Variants in LYRM4 observed in about 807,000 individuals in gnomAD.
LYRM4 encodes the protein LYR motif containing 4, also known as LYR motif-containing protein 4.
Under a neutral mutation model 11.7 loss-of-function variants are expected in LYRM4, and 9 were observed. That is an observed-to-expected ratio of 0.77 (90% CI 0.46 to 1.34). LYRM4 has a LOEUF of 1.34. LYRM4 is among the 40% of genes most tolerant of loss of function. LYRM4 has a pLI of 0.00. For synonymous variants in LYRM4, 42 were observed against 40.4 expected, an observed-to-expected ratio of 1.04 and a Z score of -0.15; for missense variants, 133 against 112.5, an observed-to-expected ratio of 1.18 and a Z score of -0.82.
At chr6:5,111,652 T>C (rs1400331118) in intron 2 of LYRM4, among the ~76,000 whole-genome samples, 4 of 152,202 alleles carry the variant, frequency 2.6e-5, no homozygotes, top group Non-Finnish European at 5.9e-5. Context: ...ACGCCTCTAA[T>C]GACAGCCGCG....
At chr6:5,249,242 C>A (rs1764326990) in intron 1 of LYRM4, among the ~76,000 whole-genome samples, 1 of 152,132 alleles carries the variant, frequency 6.6e-6, no homozygotes. Context: ...ATGATTTATA[C>A]CAAGGTCACA....
chr6:5,260,668 A>T lies in LYRM4; in HGVS notation c.66T>A (p.Arg22=). 4 of 1,545,930 alleles carry T rather than the reference A, an allele frequency of 2.6e-6. No individual in the cohort carries two copies. In the South Asian group the frequency reaches 4.7e-5, roughly 18 times the overall value. Residue 22 remains arginine (R), a synonymous_variant, in exon 1 of 3, where the codon CGT becomes CGA. Coordinates refer to ENST00000330636, the MANE Select transcript of LYRM4 (RefSeq NM_020408.6). ...LYRAMLRESK[R]FSAYNYRTYA... is the part of the protein sequence containing the mutation. ...GTCACCTGTAATTGTAGGCGCTGAA[A>T]CGCTTGCTCTCTCTCAGCATCGCCC... is the stretch of plus-strand genomic sequence containing the variant.
chr6:5,154,583 A>G (rs543099306), intron 2 of LYRM4, among the ~76,000 whole-genome samples: 313 of 152,272 alleles, frequency 2.1e-3, no homozygotes, highest in African/African-American at 7.2e-3. Flanking sequence ...TTGGGAGGCC[A>G]AGGTGGGCAG....
At chr6:5,218,449 A>T in intron 1 of LYRM4, 1 of 908,050 alleles carries the variant, frequency 1.1e-6, no homozygotes, top group Non-Finnish European at 1.3e-6. Flanking sequence ...TTTTTAAAGT[A>T]AAAAGGCATT....
At chr6:5,085,300 G>A in the LYRM4 span, 1 of 538,160 alleles carries the variant, frequency 1.9e-6, no homozygotes, top group Non-Finnish European at 3.2e-6. Flanking sequence ...CTTCGCCCTG[G>A]GCAGCCGCAG....
At chr6:5,246,856 C>T (rs1460724844) in intron 1 of LYRM4, among the ~76,000 whole-genome samples, 2 of 151,946 alleles carry the variant, frequency 1.3e-5, no homozygotes, top group African/African-American at 4.8e-5. Flanking sequence ...GAAACAGAGA[C>T]TTGGGAGTAA....
intron 1 of LYRM4, among the ~76,000 whole-genome samples, chr6:5,259,061 T>C (rs1764812959): frequency 6.7e-6 from 1 of 149,430 alleles, no homozygotes. Flanking sequence ...AAAACTGAAA[T>C]ACAGAGATTG....
chr6:5,174,637 A>G (rs1190658339), intron 2 of LYRM4, among the ~76,000 whole-genome samples: 1 of 152,192 alleles, frequency 6.6e-6, no homozygotes, highest in Admixed American at 6.5e-5. Context: ...GATTTCTTAA[A>G]TCTTCTCTTG....
chr6:5,217,465 T>C (rs1375299789), intron 1 of LYRM4, among the ~76,000 whole-genome samples: 4 of 152,202 alleles, frequency 2.6e-5, no homozygotes, highest in Non-Finnish European at 5.9e-5. Flanking sequence ...CAGCTTCTAC[T>C]GTTTGTGTGA....
At chr6:5,222,274 G>A (rs34968006) in intron 1 of LYRM4, among the ~76,000 whole-genome samples, 7,482 of 152,128 alleles carry the variant, frequency 0.049, 603 homozygotes, top group African/African-American at 0.16. Flanking sequence ...TTCAAGAAAA[G>A]TACCAATAAC....
chr6:5,255,470 T>C (rs564659624), intron 1 of LYRM4, among the ~76,000 whole-genome samples: 1 of 151,376 alleles, frequency 6.6e-6, no homozygotes, highest in African/African-American at 2.4e-5. Flanking sequence ...ATAATGGATT[T>C]AGTCACTTTA....
chr6:5,086,501 G>A, the LYRM4 span: 27 of 1,535,922 alleles, frequency 1.8e-5, no homozygotes, highest in East Asian at 4.9e-5. Flanking sequence ...GGCGAGTACT[G>A]GGACAACAAC....
At chr6:5,060,817 C>T in the LYRM4 span, among the ~76,000 whole-genome samples, 5 of 152,148 alleles carry the variant, frequency 3.3e-5, no homozygotes, top group Non-Finnish European at 7.3e-5. Context: ...CGTGAGCCAC[C>T]GTGCCCAGCT....
intron 2 of LYRM4, among the ~76,000 whole-genome samples, chr6:5,118,809 C>T (rs1198408218): frequency 2.6e-5 from 4 of 152,342 alleles, no homozygotes; most frequent in South Asian, 4.1e-4. Flanking sequence ...CCCAAACTTA[C>T]GAATATCGAC....
the LYRM4 span, among the ~76,000 whole-genome samples, chr6:5,037,923 C>T: frequency 6.7e-4 from 35 of 52,592 alleles, 9 homozygotes; most frequent in African/African-American, 1.9e-3. Context: ...CCGGACGGGG[C>T]CGCTGGCCGG....
chr6:5,129,117 A>T (rs545303883), intron 2 of LYRM4, among the ~76,000 whole-genome samples: 1 of 152,306 alleles, frequency 6.6e-6, no homozygotes, highest in East Asian at 1.9e-4. Flanking sequence ...TGGCCACTGC[A>T]CTTGATGGTG....
intron 2 of LYRM4, among the ~76,000 whole-genome samples, chr6:5,145,810 T>C (rs2127631381): frequency 6.6e-6 from 1 of 152,310 alleles, no homozygotes; most frequent in Middle Eastern, 3.4e-3. Context: ...TATTGACTGC[T>C]AGAGGTGGGC....
intron 1 of LYRM4, among the ~76,000 whole-genome samples, chr6:5,252,849 A>G (rs1198423248): frequency 1.3e-5 from 2 of 152,178 alleles, no homozygotes; most frequent in Non-Finnish European, 2.9e-5. Flanking sequence ...AGACTCACAC[A>G]TACCTTGACA....
intron 2 of LYRM4, among the ~76,000 whole-genome samples, chr6:5,129,710 G>T (rs1352120903): frequency 3.3e-5 from 5 of 152,128 alleles, no homozygotes; most frequent in African/African-American, 9.7e-5. Flanking sequence ...GCCTTTGGGG[G>T]CCATTATTCA....
Sources: allele counts gnomAD v4.1 joint callset (sites outside exome capture counted in the v4.1 genomes callset), GRCh38; gene constraint gnomAD v4.1.1; transcripts MANE v1.5; gene names NCBI Gene and HGNC (gene_info 2026-07-23, HGNC 2026-07-21).